Variants in CDH18 observed in about 807,000 individuals in gnomAD.
The protein encoded by CDH18 is cadherin-18.
A neutral mutation model predicts 67.9 loss-of-function variants in CDH18; 31 were observed. The observed-to-expected ratio is 0.46, with a 90% CI of 0.34 to 0.62. CDH18 has a LOEUF of 0.62. Ranked by LOEUF, CDH18 falls within the 20% of genes least tolerant of loss-of-function variation. The probability of loss-of-function intolerance (pLI) is 0.01; values close to 1 mark genes in which losing one functional copy is unlikely to be tolerated. For synonymous variants in CDH18, 362 were observed against 347.2 expected (o/e 1.04, Z -0.48); for missense variants, 890 against 975.5 (o/e 0.91, Z 1.17).
intron 2 of CDH18, among the ~76,000 whole-genome samples, chr5:20,151,043 G>T (rs962911961): frequency 1.3e-5 from 2 of 151,412 alleles, no homozygotes; most frequent in African/African-American, 4.9e-5. Flanking sequence ...TAGATATAGT[G>T]GGTCCTATAT....
intron 2 of CDH18, among the ~76,000 whole-genome samples, chr5:19,916,568 C>A (rs1791816331): frequency 6.6e-6 from 1 of 152,190 alleles, no homozygotes; most frequent in Non-Finnish European, 1.5e-5. Flanking sequence ...CTGTGTCTCT[C>A]AGCTACAGCA....
intron 2 of CDH18, among the ~76,000 whole-genome samples, chr5:20,117,581 G>A (rs1341491294): frequency 6.6e-6 from 1 of 152,038 alleles, no homozygotes. Flanking sequence ...TCACCTTTGG[G>A]TTATAAACAA....
intron 2 of CDH18, among the ~76,000 whole-genome samples, chr5:20,007,491 G>C (rs1173202150): frequency 1.3e-5 from 2 of 152,026 alleles, no homozygotes; most frequent in Non-Finnish European, 2.9e-5. Context: ...AACTATTACA[G>C]TTAAATGTCC....
chr5:20,535,643 T>C (rs1327751514), intron 1 of CDH18, among the ~76,000 whole-genome samples: 2 of 152,110 alleles, frequency 1.3e-5, no homozygotes, highest in Admixed American at 6.6e-5. Flanking sequence ...CAGTGTGCCA[T>C]ATAACTCAGG....
At position 19,978,968 on chromosome 5, in the gene CDH18, G is replaced by A. The variant is rs561923670; in HGVS notation, c.-257+2092C>T. The stretch of plus-strand genomic sequence containing the variant: ...ATGTGAACATCTTGGGGACCATTAT[G>A]CTGCCTACCATGCTAGCATTCAAGG... On this transcript the variant is annotated intron_variant, in intron 2 of 12. Coordinates refer to ENST00000382275, the MANE Select transcript of CDH18 (RefSeq NM_004934.5). Among the ~76,000 whole-genome samples, 111 of 152,218 alleles carry A rather than the reference G, an allele frequency of 7.3e-4. 1 individual carries two copies. Among genetic ancestry groups the A allele is most frequent in the African/African-American group, 2.5e-3 (102 of 41,564 alleles).
intron 2 of CDH18, among the ~76,000 whole-genome samples, chr5:20,250,217 T>G (rs1482553255): frequency 6.6e-6 from 1 of 152,190 alleles, no homozygotes; most frequent in African/African-American, 2.4e-5. Flanking sequence ...CATTTTGTTT[T>G]GTTTTGTTTT....
chr5:20,321,278 A>T (rs182708310), intron 1 of CDH18, among the ~76,000 whole-genome samples: 1 of 152,000 alleles, frequency 6.6e-6, no homozygotes, highest in Non-Finnish European at 1.5e-5. Flanking sequence ...CTAAACTTCC[A>T]TCTTCTTCAG....
intron 3 of CDH18, among the ~76,000 whole-genome samples, chr5:19,780,053 C>T (rs569589907): frequency 6.6e-6 from 1 of 152,068 alleles, no homozygotes; most frequent in Non-Finnish European, 1.5e-5. Context: ...CCTTATGTAA[C>T]CTTCTTAGCT....
intron 9 of CDH18, among the ~76,000 whole-genome samples, chr5:19,542,546 G>A (rs1348717243): frequency 6.6e-6 from 1 of 151,938 alleles, no homozygotes; most frequent in Non-Finnish European, 1.5e-5. Flanking sequence ...ATAAATATGT[G>A]GTATATCAAT....
intron 2 of CDH18, among the ~76,000 whole-genome samples, chr5:20,196,130 G>C (rs974612224): frequency 6.6e-6 from 1 of 152,070 alleles, no homozygotes; most frequent in African/African-American, 2.4e-5. Flanking sequence ...GCAAGGCAGG[G>C]TGTTGTTTCT....
intron 1 of CDH18, among the ~76,000 whole-genome samples, chr5:20,444,856 T>C (rs910710710): frequency 3.3e-5 from 5 of 152,018 alleles, no homozygotes; most frequent in African/African-American, 9.7e-5. Flanking sequence ...ATAAGAGAGA[T>C]GCTTCCAGTC....
At chr5:20,002,959 CA>C (rs1325779187) in intron 2 of CDH18, among the ~76,000 whole-genome samples, 2,185 of 100,522 alleles carry the variant, frequency 0.022, 41 homozygotes, top group African/African-American at 0.055. Context: ...GGAAACCAAC[CA>C]AAAAAAAAAA....
At chr5:20,445,709 G>C (rs540318243) in intron 1 of CDH18, among the ~76,000 whole-genome samples, 14 of 152,298 alleles carry the variant, frequency 9.2e-5, no homozygotes, top group Non-Finnish European at 1.3e-4. Flanking sequence ...GATAGAAGCA[G>C]ACTCAACTTG....
chr5:19,533,565 A>G (rs926155818), intron 9 of CDH18, among the ~76,000 whole-genome samples: 2 of 152,180 alleles, frequency 1.3e-5, no homozygotes, highest in African/African-American at 4.8e-5. Context: ...TTTCAGATAG[A>G]AAATAAAGCA....
rs143062236 is a variant in CDH18, at chr5:19,842,754, T to G, written c.-256-3512A>C. Reference sequence around the variant, plus strand: ...AGAAAATAGGAAGATGTGGGAAAATTTGGAACTTCCTAGACACTTGTTGAA... The same window carrying G: ...AGAAAATAGGAAGATGTGGGAAAATGTGGAACTTCCTAGACACTTGTTGAA... On this transcript the variant is annotated intron_variant, in intron 2 of 12. Transcript: ENST00000382275. 5.4e-3 allele frequency among the ~76,000 whole-genome samples: 827 copies of G among 152,182 alleles called. 3 individuals are homozygous for G. Among genetic ancestry groups the G allele is most frequent in the South Asian group, 0.011 (54 of 4,824 alleles).
At chr5:19,877,700 T>C (rs754077149) in intron 2 of CDH18, among the ~76,000 whole-genome samples, 19 of 152,296 alleles carry the variant, frequency 1.2e-4, no homozygotes, top group Middle Eastern at 6.8e-3. Context: ...GATAGAATTA[T>C]GTAACTGAGA....
At chr5:20,048,029 G>T (rs1741062221) in intron 2 of CDH18, among the ~76,000 whole-genome samples, 1 of 151,602 alleles carries the variant, frequency 6.6e-6, no homozygotes, top group Non-Finnish European at 1.5e-5. Context: ...TTAAAGTTTA[G>T]TTATCACTAT....
chr5:20,212,532 G>A (rs923177767), intron 2 of CDH18, among the ~76,000 whole-genome samples: 5 of 152,008 alleles, frequency 3.3e-5, no homozygotes, highest in African/African-American at 1.2e-4. Flanking sequence ...CAGGGAGAAA[G>A]GTCAGGTTAC....
chr5:19,716,239 C>A (rs1245389715), intron 5 of CDH18, among the ~76,000 whole-genome samples: 2 of 152,050 alleles, frequency 1.3e-5, no homozygotes, highest in African/African-American at 2.4e-5. Context: ...TAAGTTTATA[C>A]ACATGGAAAC....
Sources: gnomAD v4.1 joint callset for allele counts (sites outside exome capture counted in the v4.1 genomes callset) on GRCh38, gnomAD v4.1.1 for gene constraint, MANE v1.5 for transcripts, NCBI Gene and HGNC (gene_info 2026-07-23, HGNC 2026-07-21) for gene names.